DCLK1: variants seen among roughly 807,000 people sequenced by gnomAD.
The protein encoded by DCLK1 is serine/threonine-protein kinase DCLK1.
Under a neutral mutation model 86.2 loss-of-function variants are expected in DCLK1, and 16 were observed. The observed-to-expected ratio is 0.19, with a 90% CI of 0.13 to 0.28. The LOEUF (loss-of-function observed/expected upper bound fraction) is 0.28. Ranked by LOEUF, DCLK1 falls within the 10% of genes least tolerant of loss-of-function variation. The pLI is 1.00. For synonymous variants in DCLK1, 369 were observed against 370.5 expected, an observed-to-expected ratio of 1.00 and a Z score of 0.05; for missense variants, 590 against 940.2, an observed-to-expected ratio of 0.63 and a Z score of 4.87.
At chr13:35,796,170 A>C (rs1248967963) in intron 15 of DCLK1, among the ~76,000 whole-genome samples, 1 of 152,116 alleles carries the variant, frequency 6.6e-6, no homozygotes, top group Non-Finnish European at 1.5e-5. Flanking sequence ...TACTGGCCTC[A>C]CCAACAAGAT....
chr13:36,004,790 C>T (rs1252905028), intron 3 of DCLK1, among the ~76,000 whole-genome samples: 1 of 152,076 alleles, frequency 6.6e-6, no homozygotes, highest in African/African-American at 2.4e-5. Context: ...GTTGTCCAGG[C>T]TGGTCTCAAA....
intron 4 of DCLK1, among the ~76,000 whole-genome samples, chr13:35,900,266 A>T (rs1874271749): frequency 2.1e-5 from 3 of 145,978 alleles, no homozygotes; most frequent in Admixed American, 6.9e-5. Flanking sequence ...TTTGAGACAG[A>T]GTCTCGCTCT....
intron 3 of DCLK1, among the ~76,000 whole-genome samples, chr13:35,953,406 T>C (rs936509570): frequency 6.6e-6 from 1 of 152,174 alleles, no homozygotes; most frequent in South Asian, 2.1e-4. Flanking sequence ...ACATATATTG[T>C]ATATTAATAG....
Position 36,072,498 on chromosome 13 carries a change from T to C in DCLK1, c.723+39371A>G, listed in dbSNP as rs910005498. On this transcript the variant is annotated intron_variant, in intron 3 of 16. Coordinates refer to ENST00000360631, the MANE Select transcript of DCLK1 (RefSeq NM_001330071.2). ...ATCTATATGCTAATGTCTTCCTGAT[T>C]TATATCTTCAGGCCAGACTTCTTTC... Among the ~76,000 whole-genome samples, 5 of 152,244 alleles carry C rather than the reference T, an allele frequency of 3.3e-5. No homozygotes were observed. In the East Asian group the frequency reaches 9.6e-4, roughly 29 times the overall value.
At chr13:35,849,807 T>C in intron 6 of DCLK1, 2 of 985,322 alleles carry the variant, frequency 2.0e-6, no homozygotes, top group Non-Finnish European at 2.4e-6. Flanking sequence ...AAGTGAATTT[T>C]GCTTTTCAAA....
rs772885238 is a variant in DCLK1 at position 35,839,900 on chromosome 13, TG to T, written c.1036-725del. 3.9e-5 allele frequency among the ~76,000 whole-genome samples: 6 copies of T among 152,348 alleles called. No homozygotes were observed. The East Asian group carries it at 1.2e-3, about 29-fold the overall frequency. ...AAATATTTAATATTATGATTGGCTA[TG>T]GGGCAGTACTTTAACAATGAATGTT... is the stretch of plus-strand genomic sequence containing the variant. On this transcript the variant is annotated intron_variant, in intron 6 of 16. Transcript: ENST00000360631.
chr13:35,811,501 TGTCTCC>T (rs2087143355), intron 11 of DCLK1, among the ~76,000 whole-genome samples: 1 of 152,246 alleles, frequency 6.6e-6, no homozygotes, highest in South Asian at 2.1e-4. Flanking sequence ...CCTAGTGCAG[TGTCTCC>T]GATTTATGAA....
chr13:36,079,403 G>A (rs1884334262), intron 3 of DCLK1, among the ~76,000 whole-genome samples: 1 of 152,166 alleles, frequency 6.6e-6, no homozygotes, highest in Non-Finnish European at 1.5e-5. Context: ...GCTGAGGCGG[G>A]AGGATCGCCT....
intron 3 of DCLK1, among the ~76,000 whole-genome samples, chr13:35,967,453 A>G (rs899390444): frequency 1.3e-5 from 2 of 152,256 alleles, no homozygotes; most frequent in African/African-American, 2.4e-5. Flanking sequence ...AGAAGTAGAC[A>G]TAGGAGACTC....
chr13:36,050,900 G>T (rs1425492643), intron 3 of DCLK1, among the ~76,000 whole-genome samples: 1 of 152,082 alleles, frequency 6.6e-6, no homozygotes, highest in Non-Finnish European at 1.5e-5. Context: ...AACCAGTCAG[G>T]AATGAGGAGT....
intron 4 of DCLK1, among the ~76,000 whole-genome samples, chr13:35,911,772 G>A (rs905912054): frequency 9.9e-5 from 15 of 152,182 alleles, no homozygotes; most frequent in Non-Finnish European, 2.1e-4. Flanking sequence ...GTCAGTCATC[G>A]CAAAGAGGCC....
chr13:35,807,592 C>A lies in DCLK1; in HGVS notation c.1863+632G>T, dbSNP rs149640637. Among the ~76,000 whole-genome samples the A allele has an allele frequency of 4.2e-3, 636 of 152,300 alleles. 2 individuals carry two copies. Among genetic ancestry groups the A allele is most frequent in the Non-Finnish European group, 6.7e-3 (453 of 68,032 alleles). On this transcript the variant is annotated intron_variant, in intron 14 of 16. Coordinates refer to ENST00000360631, the MANE Select transcript of DCLK1 (RefSeq NM_001330071.2). Reference sequence around the variant, plus strand: ...GGTCATACTTTAGGCAGGGATAGTACAGCAATGGACAAAATAGATAAAAAT... The same window carrying A: ...GGTCATACTTTAGGCAGGGATAGTAAAGCAATGGACAAAATAGATAAAAAT...
At chr13:35,822,322 T>TA (rs113385223) in intron 11 of DCLK1, among the ~76,000 whole-genome samples, 17,452 of 145,550 alleles carry the variant, frequency 0.12, 1,190 homozygotes, top group East Asian at 0.18. Context: ...TCCGGCTAAT[T>TA]AAAAAAAATT....
intron 4 of DCLK1, among the ~76,000 whole-genome samples, chr13:35,902,153 T>C (rs80289820): frequency 0.011 from 1,719 of 152,314 alleles, 13 homozygotes; most frequent in Middle Eastern, 0.02. Flanking sequence ...ATGAGCCCTA[T>C]TGAACTCATA....
In DCLK1 at chr13:35,791,638, C is replaced by G. The variant is rs181168327; in HGVS notation, c.2058+1728G>C. 3.9e-5 allele frequency among the ~76,000 whole-genome samples: 6 copies of G among 152,202 alleles called. No individual in the cohort carries two copies. The East Asian group carries it at 1.2e-3, about 29-fold the overall frequency. On this transcript the variant is annotated intron_variant, in intron 16 of 16. Coordinates refer to ENST00000360631, the MANE Select transcript of DCLK1 (RefSeq NM_001330071.2). ...GGTGTTTGTCAATTGGAAAATTGCC[C>G]TGACGTTCCTGCCCTTAGTCATTGT...
intron 4 of DCLK1, among the ~76,000 whole-genome samples, chr13:35,890,749 G>GATTTCC (rs1477202547): frequency 1.3e-5 from 2 of 152,040 alleles, no homozygotes; most frequent in Non-Finnish European, 2.9e-5. Flanking sequence ...AAAAAAATGG[G>GATTTCC]ATTTCCCTGT....
intron 4 of DCLK1, among the ~76,000 whole-genome samples, chr13:35,938,105 G>T (rs915619485): frequency 2.6e-5 from 4 of 152,032 alleles, no homozygotes; most frequent in African/African-American, 9.7e-5. Flanking sequence ...TCATTTTTTG[G>T]AAAGTTGAGG....
chr13:35,849,321 T>C, intron 6 of DCLK1: 1 of 985,196 alleles, frequency 1.0e-6, no homozygotes, highest in Non-Finnish European at 1.2e-6. Flanking sequence ...CTCTCCATCT[T>C]GAATAAAACA....
intron 5 of DCLK1, among the ~76,000 whole-genome samples, chr13:35,866,092 C>G (rs1871768355): frequency 1.3e-5 from 2 of 152,236 alleles, no homozygotes; most frequent in African/African-American, 4.8e-5. Context: ...CCCCGAGTTG[C>G]CATTCTGAAC....
Sources: allele counts gnomAD v4.1 joint callset (sites outside exome capture counted in the v4.1 genomes callset), GRCh38; gene constraint gnomAD v4.1.1; transcripts MANE v1.5; gene names NCBI Gene and HGNC (gene_info 2026-07-23, HGNC 2026-07-21).